SEPTIN10: variants seen among roughly 807,000 people sequenced by gnomAD.
The protein encoded by SEPTIN10 is septin-10.
A neutral mutation model predicts 54.8 loss-of-function variants in SEPTIN10; 66 were observed. The ratio of observed to expected loss-of-function variants is 1.21; its 90% confidence interval spans 0.99 to 1.48. The LOEUF is 1.48. Ranked by LOEUF, SEPTIN10 falls within the 40% of genes most tolerant of loss-of-function variation. The pLI is 0.00. For missense variants in SEPTIN10, 620 were observed against 545.6 expected (o/e 1.14, Z -1.36); for synonymous variants, 161 against 181.0 (o/e 0.89, Z 0.89).
At chr2:109,595,048 G>A (rs372551363) in intron 1 of SEPTIN10, 1 of 152,070 alleles carries the variant, frequency 6.6e-6, no homozygotes, top group Non-Finnish European at 1.5e-5. Flanking sequence ...CACCACGCCT[G>A]GCTTATGTTT....
At chr2:109,578,957 G>C (rs1690436850) in intron 4 of SEPTIN10, among the ~76,000 whole-genome samples, 1 of 151,942 alleles carries the variant, frequency 6.6e-6, no homozygotes, top group African/African-American at 2.4e-5. Flanking sequence ...CAGGAAAAAA[G>C]AAAAGCATAA....
intron 1 of SEPTIN10, among the ~76,000 whole-genome samples, chr2:109,598,855 G>C (rs1400071150): frequency 6.6e-6 from 1 of 151,832 alleles, no homozygotes; most frequent in African/African-American, 2.4e-5. Context: ...ACTCCAGCCT[G>C]GGTGACAGAG....
chr2:109,593,075 T>C lies in SEPTIN10; in HGVS notation c.75A>G (p.Ser25=). ...CTATCTGTTCATCATCTGATCCTTG[T>C]GAAGACATACAAGTTGTTTTCGTTG... ...HMATKTTCMS[S]QGSDDEQIKR... is the part of the protein sequence containing the mutation. Residue 25 remains serine, a synonymous_variant, in exon 2 of 11, where the codon TCA becomes TCG. Transcript: ENST00000397712. 6.2e-7 allele frequency: 1 copy of C among 1,601,916 alleles called. No homozygotes were observed. The highest frequency in any genetic ancestry group is 1.1e-5 in the South Asian group (1 of 88,050).
chr2:109,592,930 T>C (rs766525264), intron 2 of SEPTIN10, 121 bp downstream of exon 2: 1 of 514,912 alleles, frequency 1.9e-6, no homozygotes, highest in East Asian at 3.2e-5. Context: ...TTAATTCACG[T>C]TGGAGGTAAG....
chr2:109,553,243 T>C (rs1275475556), intron 8 of SEPTIN10, 24 bp from the exon 9 acceptor site: 22 of 1,611,734 alleles, frequency 1.4e-5, no homozygotes, highest in Non-Finnish European at 1.7e-5. Context: ...TGTGTTACTC[T>C]CCTGCTAAAA....
Position 109,593,084 on chromosome 2 carries a change from A to G in SEPTIN10, c.66T>C (p.Cys22=), listed in dbSNP as rs371891715. The G allele has an allele frequency of 2.6e-5, 41 of 1,601,514 alleles. No individual in the cohort carries two copies. In the African/African-American group the frequency reaches 3.9e-4, roughly 15 times the overall value. The change falls in exon 2 of 11, where the codon TGT becomes TGC. Residue 22 remains cysteine, a synonymous_variant. Coordinates refer to ENST00000397712, the MANE Select transcript of SEPTIN10 (RefSeq NM_144710.5). The part of the protein sequence containing the change: ...FQSHMATKTT[C]MSSQGSDDEQ... ...CATCATCTGATCCTTGTGAAGACAT[A>G]CAAGTTGTTTTCGTTGCCATGTGAG... is the stretch of plus-strand genomic sequence containing the variant.
In SEPTIN10 at chr2:109,585,278, A is replaced by G; in HGVS notation, c.261T>C (p.Phe87=). ...ATTCATAGTCTTCAAAATTAGTATT[A>G]AACAATGTGTCAATCAGTGTTGATT... is the stretch of plus-strand genomic sequence containing the variant. ...IGKSTLIDTL[F]NTNFEDYESS... is the part of the protein sequence containing the mutation. The change falls in exon 4 of 11, where the codon TTT becomes TTC. Residue 87 remains phenylalanine (F), a synonymous_variant. Transcript: ENST00000397712. 1 of 1,611,502 alleles carries G rather than the reference A, an allele frequency of 6.2e-7. No homozygotes were observed. The highest frequency in any genetic ancestry group is 8.5e-7 in the Non-Finnish European group (1 of 1,178,962).
intron 9 of SEPTIN10, among the ~76,000 whole-genome samples, chr2:109,547,090 C>T (rs1420802386): frequency 6.6e-6 from 1 of 152,144 alleles, no homozygotes; most frequent in African/African-American, 2.4e-5. Flanking sequence ...AGGTTAACCA[C>T]CAAAGACAAC....
In SEPTIN10 at chr2:109,544,056, A is replaced by G; in HGVS notation, c.*253T>C. 1.6e-6 allele frequency: 2 copies of G among 1,222,018 alleles called. No homozygotes were observed. The highest frequency in any genetic ancestry group is 2.3e-6 in the Non-Finnish European group (2 of 879,030). 75.7% of individuals were successfully genotyped at this position (1,222,018 alleles called of 1,614,324 possible). A position where few individuals can be genotyped will look rare whatever the true frequency, so the allele number is the denominator to read the frequency against. On this transcript the variant is annotated 3_prime_UTR_variant, in exon 11 of 11. Coordinates refer to ENST00000397712, the MANE Select transcript of SEPTIN10 (RefSeq NM_144710.5). ...ACTTGTGGGGTCAAGTCAGTGCTCAAAAAGATTCAGATTTTGAAGCTTCTG... is the reference window on the plus strand; with the variant it reads ...ACTTGTGGGGTCAAGTCAGTGCTCAGAAAGATTCAGATTTTGAAGCTTCTG...
chr2:109,573,900 T>A (rs6716905), intron 5 of SEPTIN10, among the ~76,000 whole-genome samples: 105 of 152,310 alleles, frequency 6.9e-4, no homozygotes, highest in African/African-American at 2.4e-3. Flanking sequence ...TTTACGACAA[T>A]ATCTAATGCA....
At chr2:109,565,348 A>G (rs753452224) in intron 7 of SEPTIN10, among the ~76,000 whole-genome samples, 5 of 152,204 alleles carry the variant, frequency 3.3e-5, no homozygotes, top group South Asian at 2.1e-4. Flanking sequence ...CTAAATGTCA[A>G]GTAGATTTAA....
At chr2:109,563,781 A>G (rs1395984048) in intron 8 of SEPTIN10, among the ~76,000 whole-genome samples, 1 of 152,098 alleles carries the variant, frequency 6.6e-6, no homozygotes, top group African/African-American at 2.4e-5. Context: ...TCATTCCAAA[A>G]CCTTTACAGA....
chr2:109,575,968 T>C (rs1689591945), intron 4 of SEPTIN10, among the ~76,000 whole-genome samples: 1 of 152,134 alleles, frequency 6.6e-6, no homozygotes, highest in African/African-American at 2.4e-5. Context: ...CCACCAGAAC[T>C]AGCATAGGCC....
At chr2:109,558,891 T>TC (rs954890111) in intron 8 of SEPTIN10, among the ~76,000 whole-genome samples, 1 of 144,878 alleles carries the variant, frequency 6.9e-6, no homozygotes, top group African/African-American at 2.7e-5. Context: ...AGATATAAAT[T>TC]CTTTTTTTTT....
At chr2:109,613,693 G>T in intron 1 of SEPTIN10, 105 bp downstream of exon 1, 1 of 761,660 alleles carries the variant, frequency 1.3e-6, no homozygotes, top group Non-Finnish European at 1.8e-6. Context: ...GAGGGGGCGC[G>T]GGTCACAATC....
Position 109,585,151 on chromosome 2 carries a change from CA to C in SEPTIN10, c.387del (p.Phe129LeufsTer5). 3.2e-6 allele frequency: 5 copies of C among 1,585,034 alleles called. No homozygotes were observed. Among genetic ancestry groups the C allele is most frequent in the Non-Finnish European group, 4.3e-6 (5 of 1,167,454 alleles). Reference sequence around the variant, plus strand: ...CTCTCTTCTTTATTTATTTGGTCACCAAATCCCACTGTATTCACAATGGTCA... The same window carrying C: ...CTCTCTTCTTTATTTATTTGGTCACCAATCCCACTGTATTCACAATGGTCA... ...LKLTIVNTVG[F>X]GDQINKEESY... On this transcript the variant is annotated frameshift_variant, in exon 4 of 11. Coordinates refer to ENST00000397712, the MANE Select transcript of SEPTIN10 (RefSeq NM_144710.5). LOFTEE classifies it high-confidence loss of function.
chr2:109,591,789 T>C (rs909392378), intron 2 of SEPTIN10, among the ~76,000 whole-genome samples: 13 of 151,980 alleles, frequency 8.6e-5, no homozygotes, highest in Non-Finnish European at 1.3e-4. Flanking sequence ...TCATAGCTAT[T>C]TGGGGGGCTG....
chr2:109,582,092 A>ACAC (rs1206592319), intron 4 of SEPTIN10, among the ~76,000 whole-genome samples: 4 of 148,782 alleles, frequency 2.7e-5, no homozygotes, highest in Non-Finnish European at 6.0e-5. Flanking sequence ...ACACACACAC[A>ACAC]CACACACACA....
At chr2:109,569,554 CAAG>C (rs1477210748) in intron 5 of SEPTIN10, among the ~76,000 whole-genome samples, 1 of 151,892 alleles carries the variant, frequency 6.6e-6, no homozygotes, top group African/African-American at 2.4e-5. Flanking sequence ...CATATGCTCC[CAAG>C]GAGAGAAATT....
Sources: allele counts gnomAD v4.1 joint callset (sites outside exome capture counted in the v4.1 genomes callset), GRCh38; gene constraint gnomAD v4.1.1; transcripts MANE v1.5; gene names NCBI Gene and HGNC (gene_info 2026-07-23, HGNC 2026-07-21).